LRP1B: variants seen among roughly 807,000 people sequenced by gnomAD.
LRP1B encodes the protein LDL receptor related protein 1B.
In LRP1B, 217 loss-of-function variants were observed where a neutral mutation model predicts 556.6. The ratio of observed to expected loss-of-function variants is 0.39; its 90% confidence interval spans 0.35 to 0.44. The LOEUF (loss-of-function observed/expected upper bound fraction) is 0.44, where lower values mean the gene tolerates loss of function less well. LRP1B is among the 20% of genes least tolerant of loss of function. LRP1B has a pLI of 1.00. For missense variants in LRP1B, 5,053 were observed against 5,620.8 expected (o/e 0.90, Z 3.23); for synonymous variants, 2,047 against 1,865.8 (o/e 1.10, Z -2.50).
chr2:140,783,416 G>T (rs1156632453), intron 32 of LRP1B, among the ~76,000 whole-genome samples: 1 of 151,976 alleles, frequency 6.6e-6, no homozygotes, highest in South Asian at 2.1e-4. Flanking sequence ...TTTTAACTGG[G>T]TGTCTTGTAT....
intron 3 of LRP1B, among the ~76,000 whole-genome samples, chr2:141,256,321 C>T (rs424973): frequency 0.11 from 17,078 of 151,754 alleles, 1,081 homozygotes; most frequent in South Asian, 0.17. Context: ...GCAAGAAACA[C>T]AGGCAACAAT....
In LRP1B at chr2:140,232,137, T is replaced by C. The variant is rs1680501956; in HGVS notation, c.*1049A>G. ...TATTTTGGATAGGGCAAATAATGGG[T>C]TGCTCATATTAAATCTTGAAAATAT... On this transcript the variant is annotated 3_prime_UTR_variant, in exon 91 of 91. Coordinates refer to ENST00000389484, the MANE Select transcript of LRP1B (RefSeq NM_018557.3). 6.6e-6 allele frequency: 1 copy of C among 151,308 alleles called. No homozygotes were observed. Among genetic ancestry groups the C allele is most frequent in the Admixed American group, 6.6e-5 (1 of 15,106 alleles). The allele number at this position is 151,308 out of a possible 1,614,324, so 9.4% of individuals were successfully genotyped here.
chr2:141,489,318 G>C (rs1559100953), intron 2 of LRP1B, among the ~76,000 whole-genome samples: 1 of 151,540 alleles, frequency 6.6e-6, no homozygotes, highest in Non-Finnish European at 1.5e-5. Flanking sequence ...TTCACACACA[G>C]TTAGATCCAT....
intron 11 of LRP1B, 90 bp downstream of exon 11, chr2:141,048,896 G>C (rs577675865): frequency 7.6e-5 from 75 of 980,728 alleles, no homozygotes; most frequent in African/African-American, 2.6e-4. Context: ...CTTGAGTTCT[G>C]GTTAAAGCTA....
chr2:141,286,893 G>C (rs1685743625), intron 3 of LRP1B: 1 of 286,366 alleles, frequency 3.5e-6, no homozygotes, highest in Non-Finnish European at 7.5e-6. Context: ...GCCCAATCTG[G>C]TAACTAATAG....
intron 72 of LRP1B, 24 bp downstream of exon 72, chr2:140,364,637 C>G (rs1249522605): frequency 6.2e-7 from 1 of 1,607,042 alleles, no homozygotes; most frequent in Non-Finnish European, 8.5e-7. Context: ...AAAGTATAAT[C>G]TAGAGCCACG....
intron 35 of LRP1B, among the ~76,000 whole-genome samples, chr2:140,751,725 T>A (rs1432324478): frequency 6.6e-6 from 1 of 152,158 alleles, no homozygotes; most frequent in East Asian, 1.9e-4. Flanking sequence ...AAATAAAAAT[T>A]TGATTTTTCA....
At chr2:141,106,402 C>A (rs763182026) in intron 7 of LRP1B, among the ~76,000 whole-genome samples, 21 of 152,064 alleles carry the variant, frequency 1.4e-4, no homozygotes, top group Non-Finnish European at 1.9e-4. Context: ...AACTTTTGAT[C>A]ATGTAAGCAT....
At chr2:141,201,799 T>G (rs73962857) in intron 6 of LRP1B, among the ~76,000 whole-genome samples, 1 of 152,104 alleles carries the variant, frequency 6.6e-6, no homozygotes, top group Admixed American at 6.6e-5. Context: ...ACTGAATACT[T>G]TTAGTGGACT....
At chr2:140,257,896 C>A (rs1013637117) in intron 86 of LRP1B, among the ~76,000 whole-genome samples, 1 of 152,114 alleles carries the variant, frequency 6.6e-6, no homozygotes, top group Non-Finnish European at 1.5e-5. Flanking sequence ...TCTAAGGGAC[C>A]ACAAGGTCAC....
intron 63 of LRP1B, among the ~76,000 whole-genome samples, chr2:140,448,129 C>T (rs1025942535): frequency 3.9e-5 from 6 of 151,994 alleles, no homozygotes; most frequent in South Asian, 2.1e-4. Flanking sequence ...GACAAAGTGA[C>T]CACATGGTGT....
At chr2:141,233,298 C>T (rs1007734629) in intron 5 of LRP1B, among the ~76,000 whole-genome samples, 2 of 152,184 alleles carry the variant, frequency 1.3e-5, no homozygotes, top group African/African-American at 4.8e-5. Context: ...TAAACACCTA[C>T]AGCAGGCTGT....
chr2:141,048,792 T>C (rs1219795197), intron 11 of LRP1B, among the ~76,000 whole-genome samples, 194 bp downstream of exon 11: 2 of 152,108 alleles, frequency 1.3e-5, no homozygotes, highest in African/African-American at 2.4e-5. Flanking sequence ...TCCCATTTTA[T>C]AATGAAGGCT....
At chr2:141,943,125 AAG>A (rs1345498243) in intron 1 of LRP1B, among the ~76,000 whole-genome samples, 4 of 152,224 alleles carry the variant, frequency 2.6e-5, no homozygotes, top group Non-Finnish European at 1.5e-5. Context: ...ATAAGTAGCT[AAG>A]AGAGTTCAGA....
chr2:140,356,515 A>G (rs1470316695), intron 74 of LRP1B, 39 bp from the exon 75 acceptor site: 1 of 1,452,406 alleles, frequency 6.9e-7, no homozygotes, highest in Non-Finnish European at 9.5e-7. Flanking sequence ...ATATAATTCT[A>G]ATTCCTGAAG....
chr2:140,828,469 C>T (rs1355538849), intron 31 of LRP1B, among the ~76,000 whole-genome samples: 2 of 148,394 alleles, frequency 1.3e-5, no homozygotes, highest in African/African-American at 2.5e-5. Context: ...ATTAGCCGGG[C>T]GTGGTAGCGG....
At chr2:141,729,121 C>A (rs958267181) in intron 2 of LRP1B, among the ~76,000 whole-genome samples, 5 of 152,098 alleles carry the variant, frequency 3.3e-5, no homozygotes, top group Non-Finnish European at 4.4e-5. Context: ...ACAAGGTGAG[C>A]CAAAGGGAGC....
At chr2:141,250,432 G>A (rs1281138922) in intron 4 of LRP1B, among the ~76,000 whole-genome samples, 1 of 152,132 alleles carries the variant, frequency 6.6e-6, no homozygotes, top group Admixed American at 6.6e-5. Flanking sequence ...CTTCCATTTT[G>A]GTGAAGACAT....
chr2:141,336,118 A>AAAAAAC (rs1687841756), intron 3 of LRP1B, among the ~76,000 whole-genome samples: 1 of 150,516 alleles, frequency 6.6e-6, no homozygotes, highest in Non-Finnish European at 1.5e-5. Context: ...CCTGTCCAAA[A>AAAAAAC]AAAAAAAAAA....
Sources: allele counts gnomAD v4.1 joint callset (sites outside exome capture counted in the v4.1 genomes callset), GRCh38; gene constraint gnomAD v4.1.1; transcripts MANE v1.5; gene names NCBI Gene and HGNC (gene_info 2026-07-23, HGNC 2026-07-21).